Variants in MANEA observed in about 807,000 individuals in gnomAD.
MANEA encodes the protein mannosidase endo-alpha.
MANEA carries 25 observed loss-of-function variants against 36.8 expected under a neutral mutation model. The ratio of observed to expected loss-of-function variants is 0.68; its 90% confidence interval spans 0.50 to 0.95. The LOEUF (loss-of-function observed/expected upper bound fraction) is 0.95. Ranked by LOEUF, MANEA falls within the 40% of genes least tolerant of loss-of-function variation. MANEA has a pLI of 0.00. For missense variants in MANEA, 565 were observed against 558.8 expected (o/e 1.01, Z -0.11); for synonymous variants, 198 against 188.5 (o/e 1.05, Z -0.41).
At chr6:95,602,030 T>C (rs1409275426) in intron 3 of MANEA, among the ~76,000 whole-genome samples, 1 of 152,148 alleles carries the variant, frequency 6.6e-6, no homozygotes, top group Non-Finnish European at 1.5e-5. Context: ...CATGTTATAT[T>C]AGTCATGGCC....
chr6:95,595,597 C>A lies in MANEA; in HGVS notation c.545-1140C>A, dbSNP rs577652939. Among the ~76,000 whole-genome samples, 11 of 152,170 alleles carry A rather than the reference C, an allele frequency of 7.2e-5. No individual in the cohort carries two copies. The South Asian group carries it at 2.1e-3, about 29-fold the overall frequency. On this transcript the variant is annotated intron_variant, in intron 2 of 4. Transcript: ENST00000358812. ...TTCTTACCTTCAATTTCTTAATTTC[C>A]ATATGCTTCTCTTTTGGTACCATTA...
chr6:95,587,933 T>C (rs920126788), intron 2 of MANEA, among the ~76,000 whole-genome samples: 1 of 152,076 alleles, frequency 6.6e-6, no homozygotes, highest in Non-Finnish European at 1.5e-5. Context: ...TTCTTCTGGC[T>C]TATGTTATTC....
intron 1 of MANEA, among the ~76,000 whole-genome samples, chr6:95,582,309 G>A (rs999479598): frequency 4.1e-5 from 6 of 146,840 alleles, no homozygotes; most frequent in Non-Finnish European, 6.0e-5. Flanking sequence ...TCAGCCTCCC[G>A]AGTAGCTGGG....
In MANEA at chr6:95,586,404, A is replaced by G. The variant is rs199703446; in HGVS notation, c.-36A>G. 90 of 1,531,178 alleles carry G rather than the reference A, an allele frequency of 5.9e-5. No homozygotes were observed. In the African/African-American group the frequency reaches 9.2e-4, roughly 16 times the overall value. 94.8% of individuals were successfully genotyped at this position (1,531,178 alleles called of 1,614,324 possible). A position where few individuals can be genotyped will look rare whatever the true frequency, so the allele number is the denominator to read the frequency against. ...TATCTTTTTTCAATAAATTGCAGCA[A>G]AACACTTACTATTTTGGAGTTTAAA... On this transcript the variant is annotated splice_region_variant and 5_prime_UTR_variant, in exon 2 of 5. Coordinates refer to ENST00000358812, the MANE Select transcript of MANEA (RefSeq NM_024641.4).
chr6:95,592,493 AT>A (rs1654431361), intron 2 of MANEA, among the ~76,000 whole-genome samples: 1 of 152,094 alleles, frequency 6.6e-6, no homozygotes, highest in Admixed American at 6.5e-5. Flanking sequence ...TGTTAAAAGT[AT>A]GTCACCCTGG....
At chr6:95,594,279 G>A (rs1056599821) in intron 2 of MANEA, among the ~76,000 whole-genome samples, 4 of 152,178 alleles carry the variant, frequency 2.6e-5, no homozygotes, top group Admixed American at 6.5e-5. Context: ...TTTTGATGGT[G>A]AGGCCACAGA....
Position 95,605,063 on chromosome 6 carries a change from G to A in MANEA, c.731+160G>A, listed in dbSNP as rs188409401. ...TTGTAATGAATGTCACCATCATTTC[G>A]AAGAACATTGCTGAAGTTTCTTATA... On this transcript the variant is annotated intron_variant, in intron 4 of 4. Coordinates refer to ENST00000358812, the MANE Select transcript of MANEA (RefSeq NM_024641.4). Among the ~76,000 whole-genome samples the A allele has an allele frequency of 8.0e-4, 122 of 151,892 alleles. 1 individual carries two copies. Among genetic ancestry groups the A allele is most frequent in the African/African-American group, 2.6e-3 (106 of 41,482 alleles).
At chr6:95,581,499 A>G (rs1769181779) in intron 1 of MANEA, among the ~76,000 whole-genome samples, 1 of 152,158 alleles carries the variant, frequency 6.6e-6, no homozygotes, top group African/African-American at 2.4e-5. Context: ...AGAGTTTCCA[A>G]TATTTCTTCA....
chr6:95,578,638 A>G (rs1769120817), intron 1 of MANEA, among the ~76,000 whole-genome samples: 1 of 152,060 alleles, frequency 6.6e-6, no homozygotes, highest in Non-Finnish European at 1.5e-5. Context: ...ATGCAGAAAA[A>G]CACCCCCCAA....
chr6:95,595,063 G>A (rs1261099036), intron 2 of MANEA, among the ~76,000 whole-genome samples: 1 of 152,022 alleles, frequency 6.6e-6, no homozygotes, highest in African/African-American at 2.4e-5. Context: ...CAGGAATCTT[G>A]TTTTGTTTTT....
intron 2 of MANEA, among the ~76,000 whole-genome samples, chr6:95,589,428 C>T (rs929857606): frequency 2.6e-5 from 4 of 152,078 alleles, no homozygotes; most frequent in Non-Finnish European, 5.9e-5. Flanking sequence ...TGTTATATCG[C>T]AGAGTACAAG....
Position 95,581,318 on chromosome 6 carries a change from C to G in MANEA, c.-39+3680C>G, listed in dbSNP as rs78365766. Among the ~76,000 whole-genome samples, 852 of 152,046 alleles carry G rather than the reference C, an allele frequency of 5.6e-3. 7 individuals are homozygous for G. Among genetic ancestry groups the G allele is most frequent in the African/African-American group, 0.02 (826 of 41,458 alleles). On this transcript the variant is annotated intron_variant, in intron 1 of 4. Transcript: ENST00000358812. ...GTGTCATCTATAATGATGTGATAAA[C>G]ACACATTTTAATTGAATGAATGAAG...
intron 2 of MANEA, among the ~76,000 whole-genome samples, chr6:95,589,042 G>A (rs866445219): frequency 1.3e-5 from 2 of 151,548 alleles, no homozygotes; most frequent in Non-Finnish European, 3.0e-5. Flanking sequence ...GCTTCACTAC[G>A]GATGCAAATA....
intron 2 of MANEA, among the ~76,000 whole-genome samples, chr6:95,590,940 A>C (rs1484369616): frequency 1.3e-5 from 2 of 152,176 alleles, no homozygotes; most frequent in Non-Finnish European, 2.9e-5. Context: ...CCTAATATAT[A>C]TTTTTGATTT....
intron 2 of MANEA, among the ~76,000 whole-genome samples, chr6:95,588,738 GT>G (rs1466709815): frequency 6.6e-6 from 1 of 151,208 alleles, no homozygotes; most frequent in Non-Finnish European, 1.5e-5. Flanking sequence ...TACAATGAGG[GT>G]TTTTTCCCCT....
chr6:95,577,713 G>A (rs1238279067), intron 1 of MANEA, 75 bp downstream of exon 1: 1 of 152,300 alleles, frequency 6.6e-6, no homozygotes, highest in Non-Finnish European at 1.5e-5. Context: ...GTCCACCGCG[G>A]GCGCCTGCGC....
rs556564193 is a variant in MANEA at position 95,608,764 on chromosome 6, C to T, written c.*2359C>T. ...TGCTCAAGTCCCTGATATAAACTGG[C>T]ATAGTAGTTGCATATAATCTATGCA... On this transcript the variant is annotated 3_prime_UTR_variant, in exon 5 of 5. Transcript: ENST00000358812. 1 of 151,866 alleles carries T rather than the reference C, an allele frequency of 6.6e-6. No homozygotes were observed. The highest frequency in any genetic ancestry group is 2.1e-4 in the South Asian group (1 of 4,820). 9.4% of individuals were successfully genotyped at this position (151,866 alleles called of 1,614,324 possible).
At chr6:95,582,901 A>G (rs117546513) in intron 1 of MANEA, among the ~76,000 whole-genome samples, 3 of 152,248 alleles carry the variant, frequency 2.0e-5, no homozygotes, top group Non-Finnish European at 4.4e-5. Context: ...TTAGATCTGG[A>G]TTAATTTTTA....
At chr6:95,602,982 T>TGCAGTCC (rs1769625090) in intron 3 of MANEA, among the ~76,000 whole-genome samples, 2 of 128,698 alleles carry the variant, frequency 1.6e-5, no homozygotes, top group African/African-American at 3.0e-5. Context: ...ATTGCGCCAC[T>TGCAGTCC]GCAGTCCGCA....
Sources: allele counts gnomAD v4.1 joint callset (sites outside exome capture counted in the v4.1 genomes callset), GRCh38; gene constraint gnomAD v4.1.1; transcripts MANE v1.5; gene names NCBI Gene and HGNC (gene_info 2026-07-23, HGNC 2026-07-21).